Variants in CYP11B1 observed in about 807,000 individuals in gnomAD.
The protein encoded by CYP11B1 is cytochrome P450 11B1, mitochondrial.
CYP11B1 carries 34 observed loss-of-function variants against 48.3 expected under a neutral mutation model. That is an observed-to-expected ratio of 0.70 (90% CI 0.54 to 0.94). The LOEUF is 0.94. CYP11B1 is among the 40% of genes least tolerant of loss of function. The pLI is 0.00. For missense variants in CYP11B1, 688 were observed against 657.4 expected (o/e 1.05, Z -0.51); for synonymous variants, 291 against 262.5 (o/e 1.11, Z -1.05).
At chr8:142,874,626 A>C in intron 8 of CYP11B1, 140 bp from the exon 9 acceptor site, 1 of 739,122 alleles carries the variant, frequency 1.4e-6, no homozygotes, top group Non-Finnish European at 2.4e-6. Flanking sequence ...ATTCCTGACC[A>C]GCCCCACCTT....
In CYP11B1 at chr8:142,878,693, G is replaced by A. The variant is rs149023751; in HGVS notation, c.395+339C>T. Among the ~76,000 whole-genome samples, 925 of 152,300 alleles carry A rather than the reference G, an allele frequency of 6.1e-3. 11 individuals are homozygous for A. The highest frequency in any genetic ancestry group is 0.02 in the African/African-American group (835 of 41,550). On this transcript the variant is annotated intron_variant, in intron 2 of 8. Transcript: ENST00000292427. ...TGGGCCAGTGGGAGTACCCTTCTCA[G>A]GGCCTCAGTTTTCTGACCTATGGGA...
chr8:142,877,351 G>A, intron 2 of CYP11B1, 129 bp from the exon 3 acceptor site: 1 of 946,268 alleles, frequency 1.1e-6, no homozygotes, highest in South Asian at 1.4e-5. Context: ...GGTAGAAGCT[G>A]CCTGTTTGTG....
chr8:142,878,071 CACGCAT>C (rs1817017109), intron 2 of CYP11B1, among the ~76,000 whole-genome samples: 1 of 152,166 alleles, frequency 6.6e-6, no homozygotes, highest in Non-Finnish European at 1.5e-5. Flanking sequence ...CATGTGCACA[CACGCAT>C]GCACACACAA....
rs763239574 is a variant in CYP11B1 at position 142,874,477 on chromosome 8, G to A, written c.1408C>T (p.His470Tyr). 6.2e-7 allele frequency: 1 copy of A among 1,612,234 alleles called. No individual in the cohort carries two copies. The highest frequency in any genetic ancestry group is 1.1e-5 in the South Asian group (1 of 91,040). The change falls in exon 9 of 9, where the codon CAC becomes TAC. Residue 470 changes from histidine (H) to tyrosine (Y), a missense_variant. Transcript: ENST00000292427. Reference protein sequence around the residue: ...MLLLLHHVLKHLQVETLTQED... With the variant: ...MLLLLHHVLKYLQVETLTQED... ...TGGGTTAGTGTCTCCACCTGGAGGT[G>A]TTTCAGCACCTAGGACAGAAGCCGG...
At chr8:142,876,075 C>A in intron 5 of CYP11B1, 166 bp downstream of exon 5, 1 of 1,178,768 alleles carries the variant, frequency 8.5e-7, no homozygotes, top group Non-Finnish European at 1.2e-6. Flanking sequence ...CCCATTCCAA[C>A]CATGGCAACC....
rs1816960063 is a variant in CYP11B1, at chr8:142,876,637, C to T, written c.799+45G>A. 1.9e-6 allele frequency: 3 copies of T among 1,580,414 alleles called. No homozygotes were observed. The East Asian group carries it at 7.1e-5, about 37-fold the overall frequency. ...GGTGGAGAGGGAGAAATTGGGCCCC[C>T]ATGGTGTCCCTTCCCCATAGCACTG... On this transcript the variant is annotated intron_variant, in intron 4 of 8. Coordinates refer to ENST00000292427, the MANE Select transcript of CYP11B1 (RefSeq NM_000497.4).
chr8:142,877,925 C>T, intron 2 of CYP11B1: 1 of 1,049,966 alleles, frequency 9.5e-7, no homozygotes, highest in Non-Finnish European at 1.4e-6. Context: ...CTCACATGCG[C>T]CCATGCAAGA....
At position 142,879,131 on chromosome 8, in the gene CYP11B1, T is replaced by C; in HGVS notation, c.296A>G (p.Lys99Arg). ...ATGCAGGCTGTCCACCTGTTGCAGC[T>C]TCTCCACGTCCTCCGGCAGCATCAC... is the stretch of plus-strand genomic sequence containing the variant. ...VCVMLPEDVE[K>R]LQQVDSLHPH... Residue 99 changes from lysine (K) to arginine (R), a missense_variant, in exon 2 of 9, where the codon AAG becomes AGG. Coordinates refer to ENST00000292427, the MANE Select transcript of CYP11B1 (RefSeq NM_000497.4). The C allele has an allele frequency of 6.2e-7, 1 of 1,614,098 alleles. No individual in the cohort carries two copies.
Position 142,874,055 on chromosome 8 carries a change from T to C in CYP11B1, c.*318A>G, listed in dbSNP as rs5299. The C allele has an allele frequency of 0.62, 271,316 of 439,742 alleles. 85,169 individuals carry two copies. Among genetic ancestry groups the C allele is most frequent in the East Asian group, 0.84 (17,895 of 21,308 alleles). The allele number at this position is 439,742 out of a possible 1,614,324, so 27.2% of individuals were successfully genotyped here. Reference sequence around the variant, plus strand: ...AAGGGACAAAACCACAGCACCCTTGTATGGCCACACGAGGAGCCTGGAGCC... The same window carrying C: ...AAGGGACAAAACCACAGCACCCTTGCATGGCCACACGAGGAGCCTGGAGCC... On this transcript the variant is annotated 3_prime_UTR_variant, in exon 9 of 9. Transcript: ENST00000292427.
rs1816909740 is a variant in CYP11B1, at chr8:142,875,497, A to G, written c.1122-185T>C. On this transcript the variant is annotated intron_variant, in intron 6 of 8. Transcript: ENST00000292427. ...CCCTAACTTAAGCAGCCCCGAGCGC[A>G]GAAGGACATGCTCCACGTTAATCCC... 1.4e-5 allele frequency: 14 copies of G among 1,013,160 alleles called. No individual in the cohort carries two copies. The South Asian group carries it at 2.0e-4, about 15-fold the overall frequency. 62.8% of individuals were successfully genotyped at this position (1,013,160 alleles called of 1,614,324 possible).
At chr8:142,878,146 C>A (rs1264850157) in intron 2 of CYP11B1, among the ~76,000 whole-genome samples, 1 of 152,218 alleles carries the variant, frequency 6.6e-6, no homozygotes, top group African/African-American at 2.4e-5. Flanking sequence ...AAGACGCACA[C>A]ACATACAGGT....
Position 142,878,755 on chromosome 8 carries a change from A to G in CYP11B1, c.395+277T>C, listed in dbSNP as rs556782961. ...CAGACCGCAAGAGAAAGCATCGGCC[A>G]AGGTTGGTGCAGAGCGGGTTCTCAC... On this transcript the variant is annotated intron_variant, in intron 2 of 8. Transcript: ENST00000292427. 3.9e-3 allele frequency among the ~76,000 whole-genome samples: 596 copies of G among 152,158 alleles called. 2 individuals carry two copies. Among genetic ancestry groups the G allele is most frequent in the Non-Finnish European group, 6.0e-3 (407 of 67,926 alleles).
In CYP11B1 at chr8:142,876,542, G is replaced by A. The variant is rs12674916; in HGVS notation, c.799+140C>T. 0.6 allele frequency: 863,711 copies of A among 1,441,272 alleles called. 211,221 individuals carry two copies. Among genetic ancestry groups the A allele is most frequent in the East Asian group, 0.77 (31,400 of 40,648 alleles). 89.3% of individuals were successfully genotyped at this position (1,441,272 alleles called of 1,614,324 possible). ...ATCAGCCCAGCCCAGCCCCAGCCTCGCACCAATCTCCCTGGCAGGAAGGTG... is the reference window on the plus strand; with the variant it reads ...ATCAGCCCAGCCCAGCCCCAGCCTCACACCAATCTCCCTGGCAGGAAGGTG... On this transcript the variant is annotated intron_variant, in intron 4 of 8. Transcript: ENST00000292427.
intron 4 of CYP11B1, 33 bp from the exon 5 acceptor site, chr8:142,876,428 T>C (rs1439116679): frequency 3.1e-6 from 5 of 1,604,366 alleles, no homozygotes; most frequent in Non-Finnish European, 4.3e-6. Context: ...CCCTCAGACT[T>C]TGGTGCTGGG....
chr8:142,872,521 A>G lies in CYP11B1; in HGVS notation c.*1852T>C, dbSNP rs4736312. The G allele has an allele frequency of 6.6e-6, 1 of 152,004 alleles. No individual in the cohort carries two copies. The highest frequency in any genetic ancestry group is 6.5e-5 in the Admixed American group (1 of 15,272). The allele number at this position is 152,004 out of a possible 1,614,324, so 9.4% of individuals were successfully genotyped here. On this transcript the variant is annotated 3_prime_UTR_variant, in exon 9 of 9. Coordinates refer to ENST00000292427, the MANE Select transcript of CYP11B1 (RefSeq NM_000497.4). ...GGAAGCACATAACATGTTTGATTTCATAGGTTCGCAGCAAGAACAGTTGGA... is the reference window on the plus strand; with the variant it reads ...GGAAGCACATAACATGTTTGATTTCGTAGGTTCGCAGCAAGAACAGTTGGA...
rs1015552656 is a variant in CYP11B1, at chr8:142,873,530, A to C, written c.*843T>G. 1 of 152,268 alleles carries C rather than the reference A, an allele frequency of 6.6e-6. No homozygotes were observed. Among genetic ancestry groups the C allele is most frequent in the Non-Finnish European group, 1.5e-5 (1 of 68,094 alleles). 9.4% of individuals were successfully genotyped at this position (152,268 alleles called of 1,614,324 possible). A position where few individuals can be genotyped will look rare whatever the true frequency, so the allele number is the denominator to read the frequency against. On this transcript the variant is annotated 3_prime_UTR_variant, in exon 9 of 9. Transcript: ENST00000292427. ...GAAATGAGTCAATAAAACTCGTCTG[A>C]GTCCTTGTTGGCCCAATCCTGTCTC...
At chr8:142,877,271 G>T (rs749415721) in intron 2 of CYP11B1, 49 bp from the exon 3 acceptor site, 2 of 1,514,280 alleles carry the variant, frequency 1.3e-6, no homozygotes, top group South Asian at 1.2e-5. Context: ...CAAGACACAG[G>T]CCCTGACCCG....
rs370687720 is a variant in CYP11B1, at chr8:142,873,473, G to T, written c.*900C>A. ...AGCCTCCCTGTGCCCACCCCAGGTC[G>T]TGGCACATGACATGGCTCCGTATCA... On this transcript the variant is annotated 3_prime_UTR_variant, in exon 9 of 9. Transcript: ENST00000292427. The T allele has an allele frequency of 2.6e-5, 4 of 152,338 alleles. No individual in the cohort carries two copies. The highest frequency in any genetic ancestry group is 4.1e-4 in the South Asian group (2 of 4,834). 9.4% of individuals were successfully genotyped at this position (152,338 alleles called of 1,614,324 possible).
chr8:142,876,061 A>G (rs1816936414), intron 5 of CYP11B1, 180 bp downstream of exon 5: 6 of 1,122,962 alleles, frequency 5.3e-6, no homozygotes, highest in South Asian at 1.4e-5. Context: ...ACAGAAAGGA[A>G]CCCCCCATTC....
Sources: allele counts gnomAD v4.1 joint callset (sites outside exome capture counted in the v4.1 genomes callset), GRCh38; gene constraint gnomAD v4.1.1; transcripts MANE v1.5; gene names NCBI Gene and HGNC (gene_info 2026-07-23, HGNC 2026-07-21).